Variants in ASZ1 observed in about 807,000 individuals in gnomAD.
The protein encoded by ASZ1 is ankyrin repeat, SAM and basic leucine zipper domain containing 1.
Under a neutral mutation model 61.8 loss-of-function variants are expected in ASZ1, and 67 were observed. The ratio of observed to expected loss-of-function variants is 1.08; its 90% CI spans 0.89 to 1.33. The LOEUF (loss-of-function observed/expected upper bound fraction) is 1.33. Ranked by LOEUF, ASZ1 falls within the 40% of genes most tolerant of loss-of-function variation. ASZ1 has a pLI of 0.00. For missense variants in ASZ1, 577 were observed against 554.5 expected (o/e 1.04, Z -0.41); for synonymous variants, 193 against 192.7 (o/e 1.00, Z -0.01).
chr7:117,368,161 A>G, intron 11 of ASZ1: 1 of 781,872 alleles, frequency 1.3e-6, no homozygotes, highest in East Asian at 1.3e-4. Flanking sequence ...TCCTGGCCTC[A>G]AGCAATTCTC....
intron 4 of ASZ1, among the ~76,000 whole-genome samples, chr7:117,405,973 G>A (rs956643544): frequency 6.6e-6 from 1 of 152,158 alleles, no homozygotes; most frequent in Non-Finnish European, 1.5e-5. Context: ...CAAGGAATGG[G>A]CCAGGGGTTC....
rs1032095935 is a variant in ASZ1 at position 117,379,883 on chromosome 7, A to C, written c.1055+55T>G. On this transcript the variant is annotated intron_variant, in intron 10 of 12. Coordinates refer to ENST00000284629, the MANE Select transcript of ASZ1 (RefSeq NM_130768.3). ...CAGACATTATGAAAATTAAACTAAA[A>C]AGAACAATTGGTTCTTAACACTATT... The C allele has an allele frequency of 3.4e-6, 4 of 1,168,540 alleles. No homozygotes were observed. The African/African-American group carries it at 6.3e-5, about 18-fold the overall frequency. 72.4% of individuals were successfully genotyped at this position (1,168,540 alleles called of 1,614,324 possible).
At chr7:117,414,525 T>C (rs777648266) in intron 4 of ASZ1, among the ~76,000 whole-genome samples, 4 of 152,176 alleles carry the variant, frequency 2.6e-5, no homozygotes, top group Admixed American at 1.3e-4. Context: ...GGGGTACATT[T>C]GTAGAGCATG....
rs1449817927 is a variant in ASZ1 at position 117,379,164 on chromosome 7, T to C, written c.1055+774A>G. On this transcript the variant is annotated intron_variant, in intron 10 of 12. Coordinates refer to ENST00000284629, the MANE Select transcript of ASZ1 (RefSeq NM_130768.3). ...ATATATATATATATATATATATATA[T>C]ATATACACACACACACACACACACA... Among the ~76,000 whole-genome samples the C allele has an allele frequency of 9.6e-3, 571 of 59,390 alleles. 5 individuals carry two copies. Among genetic ancestry groups the C allele is most frequent in the African/African-American group, 0.048 (516 of 10,862 alleles). 39.0% of individuals were successfully genotyped at this position (59,390 alleles called of 152,430 possible).
At chr7:117,423,270 G>A (rs866447270) in intron 2 of ASZ1, among the ~76,000 whole-genome samples, 3 of 151,834 alleles carry the variant, frequency 2.0e-5, no homozygotes, top group Non-Finnish European at 2.9e-5. Context: ...TTTTTTGGCT[G>A]TATAAACACC....
At position 117,402,954 on chromosome 7, in the gene ASZ1, A is replaced by T. The variant is rs967200265; in HGVS notation, c.441-17145T>A. Among the ~76,000 whole-genome samples the T allele has an allele frequency of 2.2e-3, 50 of 23,232 alleles. 1 individual carries two copies. The Admixed American group carries it at 0.027, about 13-fold the overall frequency. The allele number at this position is 23,232 out of a possible 152,430, so 15.2% of individuals were successfully genotyped here. ...GGTGGGGCTGCAGTTTGTGAGGTAGAAAAAGACTTAGCATGATATCATCAA... is the reference window on the plus strand; with the variant it reads ...GGTGGGGCTGCAGTTTGTGAGGTAGTAAAAGACTTAGCATGATATCATCAA... On this transcript the variant is annotated intron_variant, in intron 4 of 12. Transcript: ENST00000284629.
intron 1 of ASZ1, among the ~76,000 whole-genome samples, 164 bp downstream of exon 1, chr7:117,427,192 G>A (rs1264054507): frequency 2.6e-5 from 4 of 152,170 alleles, no homozygotes; most frequent in African/African-American, 7.2e-5. Context: ...GAGGGAACAC[G>A]AGGAAATTTG....
At position 117,426,234 on chromosome 7, in the gene ASZ1, C is replaced by T. The variant is rs1023068501; in HGVS notation, c.205+602G>A. ...CGGTGGCTCATGCCTGTAATCCCAG[C>T]ACTTTGGGAGGCCGAGACAGGCGGA... On this transcript the variant is annotated intron_variant, in intron 2 of 12. Coordinates refer to ENST00000284629, the MANE Select transcript of ASZ1 (RefSeq NM_130768.3). 1.3e-4 allele frequency among the ~76,000 whole-genome samples: 19 copies of T among 151,658 alleles called. 1 individual carries two copies. The highest frequency in any genetic ancestry group is 4.6e-4 in the African/African-American group (19 of 41,322).
intron 6 of ASZ1, 82 bp downstream of exon 6, chr7:117,384,644 T>C (rs1796313018): frequency 7.0e-7 from 1 of 1,436,372 alleles, no homozygotes; most frequent in African/African-American, 1.5e-5. Context: ...ACACTTTTAA[T>C]TCTAACAGAA....
intron 4 of ASZ1, among the ~76,000 whole-genome samples, chr7:117,409,050 G>A (rs915345743): frequency 5.9e-5 from 9 of 152,062 alleles, no homozygotes; most frequent in Middle Eastern, 6.8e-3. Context: ...ATATACACAC[G>A]CACAGATGGA....
At chr7:117,412,631 A>G (rs540080020) in intron 4 of ASZ1, among the ~76,000 whole-genome samples, 198 of 152,030 alleles carry the variant, frequency 1.3e-3, no homozygotes, top group African/African-American at 4.7e-3. Context: ...GCATTAATTA[A>G]TGTGTTCTGC....
At chr7:117,396,821 T>G (rs748479028) in intron 4 of ASZ1, among the ~76,000 whole-genome samples, 12 of 152,058 alleles carry the variant, frequency 7.9e-5, no homozygotes, top group Non-Finnish European at 1.3e-4. Context: ...TTCCCTTAGG[T>G]TTTGATAGTA....
At chr7:117,411,837 C>CTGGT (rs1295832521) in intron 4 of ASZ1, among the ~76,000 whole-genome samples, 2 of 151,680 alleles carry the variant, frequency 1.3e-5, no homozygotes, top group African/African-American at 4.8e-5. Context: ...GGATTCAAAC[C>CTGGT]TTGGCAGTCT....
intron 9 of ASZ1, among the ~76,000 whole-genome samples, chr7:117,380,255 T>C (rs1267957440): frequency 1.3e-5 from 2 of 151,800 alleles, no homozygotes; most frequent in Non-Finnish European, 3.0e-5. Context: ...ATATAATAAC[T>C]ATAGTCAATT....
intron 4 of ASZ1, among the ~76,000 whole-genome samples, chr7:117,409,108 AC>A (rs1433236203): frequency 6.6e-6 from 1 of 152,038 alleles, no homozygotes; most frequent in Non-Finnish European, 1.5e-5. Context: ...CACACAAATT[AC>A]AAGACTGTAG....
chr7:117,396,095 C>T (rs1780940420), intron 4 of ASZ1, among the ~76,000 whole-genome samples: 1 of 152,174 alleles, frequency 6.6e-6, no homozygotes, highest in South Asian at 2.1e-4. Flanking sequence ...CTTAAACTCT[C>T]ACTGCCTCAG....
At chr7:117,368,273 T>C (rs1355502103) in intron 11 of ASZ1, 13 of 979,368 alleles carry the variant, frequency 1.3e-5, no homozygotes, top group East Asian at 2.2e-4. Flanking sequence ...ATTTTATTGA[T>C]ATGGTTTTTA....
chr7:117,386,162 G>A (rs1045669630), intron 4 of ASZ1, among the ~76,000 whole-genome samples: 1 of 152,120 alleles, frequency 6.6e-6, no homozygotes, highest in African/African-American at 2.4e-5. Flanking sequence ...AGTAATGAAT[G>A]ACACAAATAA....
intron 3 of ASZ1, among the ~76,000 whole-genome samples, chr7:117,421,854 G>A (rs2116538378): frequency 6.6e-6 from 1 of 152,222 alleles, no homozygotes; most frequent in South Asian, 2.1e-4. Flanking sequence ...TGGATTTCAT[G>A]AACTATCTTT....
Sources: gnomAD v4.1 joint callset for allele counts (sites outside exome capture counted in the v4.1 genomes callset) on GRCh38, gnomAD v4.1.1 for gene constraint, MANE v1.5 for transcripts, NCBI Gene and HGNC (gene_info 2026-07-23, HGNC 2026-07-21) for gene names.